The following CPZ variants were observed in gnomAD, a reference collection of about 807,000 sequenced individuals.
The protein encoded by CPZ is VEZT/CPZ fusion.
Under a neutral mutation model 61.8 loss-of-function variants are expected in CPZ, and 103 were observed. The observed-to-expected ratio is 1.67, with a 90% CI of 1.42 to 1.96. CPZ has a LOEUF of 1.96. CPZ is among the 30% of genes most tolerant of loss of function. The pLI is 0.00. For missense variants in CPZ, 1,461 were observed against 914.9 expected (o/e 1.60, Z -7.70); for synonymous variants, 551 against 373.7 (o/e 1.47, Z -5.47).
At chr4:8,600,833 C>A (rs999988476) in intron 2 of CPZ, 1 of 858,722 alleles carries the variant, frequency 1.2e-6, no homozygotes, top group Non-Finnish European at 1.5e-6. Context: ...CCTTCACGGG[C>A]CCTTGTGTGG....
chr4:8,612,274 C>G (rs578160904), intron 8 of CPZ, 112 bp downstream of exon 8: 8 of 949,536 alleles, frequency 8.4e-6, no homozygotes, highest in African/African-American at 6.9e-5. Context: ...CTGGAGAGCC[C>G]GGAAGACAGG....
chr4:8,603,130 G>C (rs1269501277), intron 3 of CPZ: 1 of 152,262 alleles, frequency 6.6e-6, no homozygotes, highest in Non-Finnish European at 1.5e-5. Flanking sequence ...TTGAGCAGAA[G>C]CAAAACCACA....
In CPZ at chr4:8,599,681, G is replaced by T. The variant is rs558053652; in HGVS notation, c.121+196G>T. On this transcript the variant is annotated intron_variant, in intron 2 of 10. Coordinates refer to ENST00000360986, the MANE Select transcript of CPZ (RefSeq NM_001014447.3). ...AACAAAAAAAGACCAGCTAGGAAAA[G>T]GTGCACCAGCTTCCCACCGGGCTAT... 102 of 1,407,786 alleles carry T rather than the reference G, an allele frequency of 7.2e-5. No individual in the cohort carries two copies. The South Asian group carries it at 1.3e-3, about 18-fold the overall frequency. 87.2% of individuals were successfully genotyped at this position (1,407,786 alleles called of 1,614,324 possible). A position where few individuals can be genotyped will look rare whatever the true frequency, so the allele number is the denominator to read the frequency against.
chr4:8,616,706 G>T (rs915755739), intron 9 of CPZ, among the ~76,000 whole-genome samples: 2 of 152,312 alleles, frequency 1.3e-5, no homozygotes. Context: ...TGGCTGAGGG[G>T]CATGGTGGCT....
rs939477652 is a variant in CPZ at position 8,604,028 on chromosome 4, C to G, written c.549C>G (p.Ile183Met). Residue 183 changes from isoleucine (I) to methionine (M), a missense_variant, in exon 4 of 11, where the codon ATC (isoleucine) becomes ATG (methionine). Physicochemically the swap from Ile to Met is conservative, Grantham distance 10. Coordinates refer to ENST00000360986, the MANE Select transcript of CPZ (RefSeq NM_001014447.3). ...ALPSGLPPTF[I>M]RFSHHSYAQM... is the part of the protein sequence containing the mutation. ...CCTCAGGGCTGCCGCCCACCTTCAT[C>G]CGCTTCAGCCACCACTCCTACGCCC... is the stretch of plus-strand genomic sequence containing the variant. 1 of 1,612,064 alleles carries G rather than the reference C, an allele frequency of 6.2e-7. No homozygotes were observed. The highest frequency in any genetic ancestry group is 1.3e-5 in the African/African-American group (1 of 74,950).
At chr4:8,604,229 G>A in intron 4 of CPZ, 41 bp downstream of exon 4, 3 of 1,486,978 alleles carry the variant, frequency 2.0e-6, no homozygotes, top group Non-Finnish European at 2.7e-6. Flanking sequence ...CCCGTTTCGG[G>A]AAAGGGCTTG....
intron 4 of CPZ, among the ~76,000 whole-genome samples, chr4:8,605,755 A>G (rs1431344086): frequency 2.0e-5 from 3 of 151,566 alleles, no homozygotes; most frequent in South Asian, 2.1e-4. Flanking sequence ...ATGATAACAT[A>G]TATTATTCAT....
intron 5 of CPZ, among the ~76,000 whole-genome samples, chr4:8,606,514 A>C (rs952296712): frequency 2.6e-5 from 4 of 152,136 alleles, no homozygotes; most frequent in African/African-American, 7.2e-5. Flanking sequence ...AGGGCGCCCC[A>C]CTCAGGGGGA....
rs1313883785 is a variant in CPZ, at chr4:8,606,098, C to T, written c.819C>T (p.Asn273=). 1.2e-6 allele frequency: 2 copies of T among 1,614,184 alleles called. No individual in the cohort carries two copies. The highest frequency in any genetic ancestry group is 8.5e-7 in the Non-Finnish European group (1 of 1,180,032). The part of the protein sequence containing the change: ...QYLCSEYLLG[N]PRIQRLLNTT... ...TGTGCTCTGAGTACCTGCTTGGTAA[C>T]CCCCGCATCCAGCGCCTGCTCAACA... The change falls in exon 5 of 11, where the codon AAC becomes AAT. Residue 273 remains asparagine, a synonymous_variant. Transcript: ENST00000360986.
chr4:8,618,637 T>A (rs1230264774), intron 10 of CPZ, 109 bp downstream of exon 10: 4 of 1,022,636 alleles, frequency 3.9e-6, no homozygotes, highest in Non-Finnish European at 5.8e-6. Context: ...CTCAGCAGGA[T>A]GGCTCCATTC....
intron 4 of CPZ, among the ~76,000 whole-genome samples, chr4:8,605,331 C>T (rs557069200): frequency 9.7e-5 from 10 of 103,426 alleles, no homozygotes; most frequent in African/African-American, 3.7e-4. Flanking sequence ...TTCATCCATC[C>T]ATCCATCCAT....
chr4:8,593,050 G>C, intron 1 of CPZ, 129 bp downstream of exon 1: 1 of 697,098 alleles, frequency 1.4e-6, no homozygotes, highest in Non-Finnish European at 2.3e-6. Context: ...TGGCGAGAAC[G>C]TCTCCAAAGT....
intron 9 of CPZ, chr4:8,618,152 C>G (rs1024492947): frequency 1.1e-5 from 5 of 453,642 alleles, no homozygotes; most frequent in South Asian, 2.3e-5. Context: ...TGCTCAATGC[C>G]CATAGAGATG....
At chr4:8,608,389 GC>G (rs1332866479) in intron 7 of CPZ, among the ~76,000 whole-genome samples, 1 of 152,158 alleles carries the variant, frequency 6.6e-6, no homozygotes, top group Non-Finnish European at 1.5e-5. Context: ...CAGGTGCCGG[GC>G]CCCTCATAAC....
At chr4:8,599,710 C>T (rs1452982438) in intron 2 of CPZ, 2 of 1,176,568 alleles carry the variant, frequency 1.7e-6, no homozygotes, top group African/African-American at 1.6e-5. Context: ...GGGCTATGCC[C>T]ACCCCAGCCC....
chr4:8,610,012 G>T (rs189283768), intron 7 of CPZ, among the ~76,000 whole-genome samples: 3 of 152,298 alleles, frequency 2.0e-5, no homozygotes, highest in South Asian at 4.1e-4. Flanking sequence ...TGCTCCACAC[G>T]TGCCCCTTTG....
Position 8,604,078 on chromosome 4 carries a change from C to G in CPZ, c.599C>G (p.Thr200Arg). 1 of 1,609,924 alleles carries G rather than the reference C, an allele frequency of 6.2e-7. No individual in the cohort carries two copies. Among genetic ancestry groups the G allele is most frequent in the Non-Finnish European group, 8.5e-7 (1 of 1,179,052 alleles). ...CAGATGGTGCGTGTGCTGAGGCGGA[C>G]GGCCTCCCGCTGCGCCCACGTGGCC... ...YAQMVRVLRR[T>R]ASRCAHVART... The change falls in exon 4 of 11, where the codon ACG (threonine) becomes AGG (arginine). Residue 200 changes from threonine (T) to arginine (R), a missense_variant. Coordinates refer to ENST00000360986, the MANE Select transcript of CPZ (RefSeq NM_001014447.3).
chr4:8,600,724 G>A (rs78667557), intron 2 of CPZ, among the ~76,000 whole-genome samples: 433 of 152,362 alleles, frequency 2.8e-3, no homozygotes, highest in African/African-American at 1.0e-2. Context: ...GACACTAGAC[G>A]CCCAAAGCAG....
intron 9 of CPZ, among the ~76,000 whole-genome samples, chr4:8,615,788 C>CCTTT (rs1407037805): frequency 6.6e-6 from 1 of 152,212 alleles, no homozygotes; most frequent in East Asian, 1.9e-4. Flanking sequence ...TGAGCCCCCT[C>CCTTT]CTTTCTAGAA....
Sources: allele counts gnomAD v4.1 joint callset (sites outside exome capture counted in the v4.1 genomes callset), GRCh38; gene constraint gnomAD v4.1.1; transcripts MANE v1.5; gene names NCBI Gene and HGNC (gene_info 2026-07-23, HGNC 2026-07-21).